GSE1: variants seen among roughly 807,000 people sequenced by gnomAD.
GSE1 encodes the protein Gse1 coiled-coil protein.
Under a neutral mutation model 112.6 loss-of-function variants are expected in GSE1, and 32 were observed. The ratio of observed to expected loss-of-function variants is 0.28; its 90% CI spans 0.21 to 0.38. GSE1 has a LOEUF of 0.38. Among genes scored for constraint, GSE1 ranks in the 10% least tolerant of loss-of-function variants. GSE1 has a pLI of 1.00. For synonymous variants in GSE1, 1,115 were observed against 735.6 expected (o/e 1.52, Z -8.35); for missense variants, 2,348 against 1,699.2 (o/e 1.38, Z -6.71).
chr16:85,199,306 A>G (rs2074985513), intron 1 of GSE1, among the ~76,000 whole-genome samples: 1 of 151,668 alleles, frequency 6.6e-6, no homozygotes, highest in Non-Finnish European at 1.5e-5. Flanking sequence ...GGCTGGCTTC[A>G]AACTCCTGGA....
intron 1 of GSE1, among the ~76,000 whole-genome samples, chr16:85,625,960 C>T (rs1053687001): frequency 4.6e-5 from 7 of 152,086 alleles, no homozygotes; most frequent in Non-Finnish European, 7.4e-5. Flanking sequence ...AGGTTGCCCC[C>T]GCCCACCTGC....
At position 85,246,434 on chromosome 16, in the gene GSE1, T is replaced by TACACACACACACACACCCCACACGCTGC. The variant is rs1905790992; in HGVS notation, c.2283+74643_2283+74644insCCCACACGCTGCACACACACACACACAC. The stretch of plus-strand genomic sequence containing the variant: ...ACACACACACACACCCCATGCTCTC[T>TACACACACACACACACCCCACACGCTGC]ACACACACACACACACACACACACA... On this transcript the variant is annotated intron_variant, in intron 1 of 2. Coordinates refer to the GSE1 transcript ENST00000637419. 7.4e-4 allele frequency among the ~76,000 whole-genome samples: 33 copies of TACACACACACACACACCCCACACGCTGC among 44,458 alleles called. 2 individuals carry two copies. The highest frequency in any genetic ancestry group is 2.7e-3 in the African/African-American group (31 of 11,536). The allele number at this position is 44,458 out of a possible 152,430, so 29.2% of individuals were successfully genotyped here.
intron 2 of GSE1, among the ~76,000 whole-genome samples, chr16:85,526,871 A>G (rs2052380528): frequency 6.6e-6 from 1 of 152,254 alleles, no homozygotes; most frequent in African/African-American, 2.4e-5. Context: ...GCTAGTGTAT[A>G]AAGAACTAAA....
intron 2 of GSE1, among the ~76,000 whole-genome samples, chr16:85,422,639 T>G (rs2048877289): frequency 6.7e-6 from 1 of 149,110 alleles, no homozygotes; most frequent in Non-Finnish European, 1.5e-5. Flanking sequence ...AGAGGGGGCG[T>G]TCTGGCCGCA....
At chr16:85,271,808 C>A (rs1908863974) in intron 1 of GSE1, among the ~76,000 whole-genome samples, 1 of 152,114 alleles carries the variant, frequency 6.6e-6, no homozygotes, top group South Asian at 2.1e-4. Context: ...TGGGGGAGCT[C>A]CAGTCGGGCT....
intron 2 of GSE1, among the ~76,000 whole-genome samples, chr16:85,480,694 C>T (rs1023981621): frequency 3.5e-5 from 5 of 141,838 alleles, no homozygotes; most frequent in African/African-American, 1.3e-4. Flanking sequence ...GTGTGGCGGG[C>T]GGCAGGGGTG....
At chr16:85,269,091 C>T (rs8057113) in intron 1 of GSE1, among the ~76,000 whole-genome samples, 74,414 of 148,322 alleles carry the variant, frequency 0.5, 22,196 homozygotes, top group African/African-American at 0.65. Flanking sequence ...ATGGACAAAC[C>T]GAGCATCAAT....
chr16:85,651,411 G>A (rs2051344018), intron 3 of GSE1, among the ~76,000 whole-genome samples: 1 of 152,066 alleles, frequency 6.6e-6, no homozygotes, highest in Non-Finnish European at 1.5e-5. Flanking sequence ...CTGCCCCCCA[G>A]CCCCCCGGAC....
intron 1 of GSE1, among the ~76,000 whole-genome samples, chr16:85,261,135 C>G (rs1384171475): frequency 6.6e-6 from 1 of 152,208 alleles, no homozygotes; most frequent in Non-Finnish European, 1.5e-5. Flanking sequence ...CCAAGGCTGC[C>G]CAGGGTCTGG....
At chr16:85,648,016 C>T (rs1478682899) in intron 2 of GSE1, among the ~76,000 whole-genome samples, 1 of 151,692 alleles carries the variant, frequency 6.6e-6, no homozygotes, top group African/African-American at 2.4e-5. Flanking sequence ...CGGGAAGACT[C>T]AGAGGCTTGG....
chr16:85,654,965 A>T lies in GSE1; in HGVS notation c.771A>T (p.Pro257=). Residue 257 remains proline, a synonymous_variant, in exon 5 of 16, where the codon CCA becomes CCT. Coordinates refer to ENST00000253458, the MANE Select transcript of GSE1 (RefSeq NM_014615.5). ...ACTACCACCCCAGCTACCTGGCCCC[A>T]CACCCCTTCCCCCACCCGGCCTTCA... The part of the protein sequence containing the change: ...AAYYHPSYLA[P]HPFPHPAFRM... 1 of 1,602,752 alleles carries T rather than the reference A, an allele frequency of 6.2e-7. No individual in the cohort carries two copies. Among genetic ancestry groups the T allele is most frequent in the Non-Finnish European group, 8.5e-7 (1 of 1,176,088 alleles).
intron 1 of GSE1, among the ~76,000 whole-genome samples, chr16:85,181,113 G>A (rs1039438942): frequency 3.9e-5 from 6 of 152,178 alleles, no homozygotes; most frequent in Admixed American, 6.5e-5. Flanking sequence ...CCCAGCTTCC[G>A]CAGCTGCCCA....
chr16:85,262,846 T>C (rs1200948427), intron 1 of GSE1, among the ~76,000 whole-genome samples: 1 of 152,168 alleles, frequency 6.6e-6, no homozygotes, highest in Non-Finnish European at 1.5e-5. Flanking sequence ...TGAAAAGAAC[T>C]CGGCGAGCCT....
At chr16:85,195,821 T>TAAG (rs1305413240) in intron 1 of GSE1, among the ~76,000 whole-genome samples, 22 of 152,080 alleles carry the variant, frequency 1.4e-4, no homozygotes, top group Non-Finnish European at 2.5e-4. Flanking sequence ...GCAGCCTAAT[T>TAAG]CCATTTACAC....
At chr16:85,254,804 C>A (rs759389521) in intron 1 of GSE1, among the ~76,000 whole-genome samples, 2 of 152,190 alleles carry the variant, frequency 1.3e-5, no homozygotes, top group African/African-American at 2.4e-5. Context: ...CAGGAGCTGG[C>A]CTAGAGCCCA....
intron 2 of GSE1, among the ~76,000 whole-genome samples, chr16:85,638,745 C>T (rs562131455): frequency 6.6e-6 from 1 of 151,600 alleles, no homozygotes; most frequent in Non-Finnish European, 1.5e-5. Context: ...TCCCCTACCC[C>T]TCCACCCACT....
rs182282170 is a variant in GSE1 at position 85,513,453 on chromosome 16, C to T, written c.2465-120461C>T. ...TGAAACAGTGCCTAGAAGCACTAGCCGTCCCCACTGTGGGGGGCTCCTGCA... is the reference window on the plus strand; with the variant it reads ...TGAAACAGTGCCTAGAAGCACTAGCTGTCCCCACTGTGGGGGGCTCCTGCA... On this transcript the variant is annotated intron_variant, in intron 2 of 2. Transcript: ENST00000637419. Among the ~76,000 whole-genome samples the T allele has an allele frequency of 3.6e-4, 55 of 152,224 alleles. No individual in the cohort carries two copies. In the East Asian group the frequency reaches 5.0e-3, roughly 14 times the overall value.
At chr16:85,498,498 C>T (rs1377200164) in intron 2 of GSE1, among the ~76,000 whole-genome samples, 3 of 152,156 alleles carry the variant, frequency 2.0e-5, no homozygotes, top group Admixed American at 2.0e-4. Context: ...TGCATACAGA[C>T]ACACAAACAT....
At chr16:85,658,121 G>T (rs1047391147) in intron 8 of GSE1, among the ~76,000 whole-genome samples, 7 of 152,216 alleles carry the variant, frequency 4.6e-5, no homozygotes, top group Admixed American at 6.5e-5. Flanking sequence ...ACTGTGTGGT[G>T]GTCCCTTGGA....
Sources: gnomAD v4.1 joint callset for allele counts (sites outside exome capture counted in the v4.1 genomes callset) on GRCh38, gnomAD v4.1.1 for gene constraint, MANE v1.5 for transcripts, NCBI Gene and HGNC (gene_info 2026-07-23, HGNC 2026-07-21) for gene names.